Variants in SLC25A21 observed in about 807,000 individuals in gnomAD.
SLC25A21 encodes mitochondrial 2-oxodicarboxylate carrier.
A neutral mutation model predicts 43.8 loss-of-function variants in SLC25A21; 47 were observed. The observed-to-expected ratio is 1.07, with a 90% CI of 0.85 to 1.37. SLC25A21 has a LOEUF of 1.37. Among genes scored for constraint, SLC25A21 ranks in the 40% most tolerant of loss-of-function variants. The pLI is 0.00. For synonymous variants in SLC25A21, 131 were observed against 121.3 expected (o/e 1.08, Z -0.52); for missense variants, 352 against 350.2 (o/e 1.00, Z -0.04).
intron 1 of SLC25A21, among the ~76,000 whole-genome samples, chr14:37,044,004 G>A (rs547432606): frequency 1.4e-5 from 2 of 143,852 alleles, no homozygotes; most frequent in Non-Finnish European, 3.0e-5. Flanking sequence ...GGCTGATCTC[G>A]AACTCCTAGC....
rs998240592 is a variant in SLC25A21 at position 36,992,408 on chromosome 14, A to T, written c.71-117404T>A. On this transcript the variant is annotated intron_variant, in intron 1 of 9. Coordinates refer to ENST00000331299, the MANE Select transcript of SLC25A21 (RefSeq NM_030631.4). ...GGAGACAGAGCAAGACCCTATCTCT[A>T]TAAAAAAATAAATAAATAATAAAAA... Among the ~76,000 whole-genome samples, 3 of 150,570 alleles carry T rather than the reference A, an allele frequency of 2.0e-5. No homozygotes were observed. The East Asian group carries it at 5.9e-4, about 30-fold the overall frequency.
At chr14:36,796,718 C>T (rs994666678) in intron 3 of SLC25A21, among the ~76,000 whole-genome samples, 2 of 152,192 alleles carry the variant, frequency 1.3e-5, no homozygotes, top group African/African-American at 4.8e-5. Flanking sequence ...ATGTATGACA[C>T]GCAGCACACT....
intron 3 of SLC25A21, among the ~76,000 whole-genome samples, chr14:36,799,189 A>G (rs1450393370): frequency 1.3e-5 from 2 of 152,180 alleles, no homozygotes; most frequent in Non-Finnish European, 2.9e-5. Context: ...TGCTCTGAGG[A>G]GGTGTAGCAA....
chr14:37,105,262 C>G (rs574001999), intron 1 of SLC25A21, among the ~76,000 whole-genome samples: 2 of 152,306 alleles, frequency 1.3e-5, no homozygotes, highest in South Asian at 2.1e-4. Flanking sequence ...AAGTCAAACT[C>G]TGAAGCATAA....
intron 1 of SLC25A21, among the ~76,000 whole-genome samples, chr14:37,158,676 T>G (rs1963889738): frequency 6.6e-6 from 1 of 152,076 alleles, no homozygotes; most frequent in African/African-American, 2.4e-5. Flanking sequence ...AGAACACTGG[T>G]TCTGGATGCC....
chr14:36,683,968 T>TA, intron 8 of SLC25A21, 88 bp from the exon 9 acceptor site: 2 of 901,416 alleles, frequency 2.2e-6, no homozygotes, highest in South Asian at 1.7e-5. Context: ...ACCCAGCATT[T>TA]AAAAAAATAA....
At chr14:37,088,990 G>T (rs1238139857) in intron 1 of SLC25A21, among the ~76,000 whole-genome samples, 3 of 152,100 alleles carry the variant, frequency 2.0e-5, no homozygotes, top group African/African-American at 4.8e-5. Context: ...TAAAAGCCAT[G>T]ACATGCCCAT....
chr14:36,946,192 TTA>T (rs932298439), intron 1 of SLC25A21, among the ~76,000 whole-genome samples: 15 of 152,324 alleles, frequency 9.8e-5, no homozygotes, highest in African/African-American at 3.4e-4. Context: ...AAATGCAAAC[TTA>T]CTTCTTGTCA....
At chr14:36,809,010 T>A (rs1888139825) in intron 3 of SLC25A21, 1 of 152,060 alleles carries the variant, frequency 6.6e-6, no homozygotes, top group African/African-American at 2.4e-5. Context: ...GAATAACAAG[T>A]ACAAAAGAGA....
chr14:37,171,716 A>C (rs1218191417), intron 1 of SLC25A21, among the ~76,000 whole-genome samples: 1 of 152,174 alleles, frequency 6.6e-6, no homozygotes, highest in Non-Finnish European at 1.5e-5. Flanking sequence ...CTATAAATTA[A>C]CGTGAGCCCA....
chr14:36,734,286 C>T (rs1397653669), intron 4 of SLC25A21, among the ~76,000 whole-genome samples: 1 of 151,996 alleles, frequency 6.6e-6, no homozygotes, highest in Non-Finnish European at 1.5e-5. Flanking sequence ...ATAATTTCCC[C>T]ATTAGAATGG....
chr14:36,879,681 A>C (rs535888430), intron 1 of SLC25A21, among the ~76,000 whole-genome samples: 1 of 152,146 alleles, frequency 6.6e-6, no homozygotes, highest in African/African-American at 2.4e-5. Flanking sequence ...AATTAACACC[A>C]CCATGTCATA....
chr14:36,966,967 T>G (rs1959631192), intron 1 of SLC25A21, among the ~76,000 whole-genome samples: 1 of 152,194 alleles, frequency 6.6e-6, no homozygotes, highest in Admixed American at 6.5e-5. Context: ...ATAGGTATAC[T>G]TTATTTCTCT....
At chr14:36,904,447 T>C (rs974658114) in intron 1 of SLC25A21, among the ~76,000 whole-genome samples, 11 of 152,192 alleles carry the variant, frequency 7.2e-5, no homozygotes, top group African/African-American at 1.9e-4. Context: ...AAAGAGCCTC[T>C]AGGAAAATTG....
At position 37,038,419 on chromosome 14, in the gene SLC25A21, A is replaced by G. The variant is rs138115635; in HGVS notation, c.70+133862T>C. On this transcript the variant is annotated intron_variant, in intron 1 of 9. Transcript: ENST00000331299. ...CTCTCCCCTTTCCCAAACTCAGGTT[A>G]TTATTTGCCTTCTTAATTTCTAACT... Among the ~76,000 whole-genome samples the G allele has an allele frequency of 1.1e-3, 169 of 152,274 alleles. 2 individuals carry two copies. The highest frequency in any genetic ancestry group is 3.8e-3 in the African/African-American group (158 of 41,546).
At chr14:36,934,734 G>A (rs1336593524) in intron 1 of SLC25A21, among the ~76,000 whole-genome samples, 1 of 152,064 alleles carries the variant, frequency 6.6e-6, no homozygotes, top group East Asian at 1.9e-4. Context: ...GAGAGAGAGA[G>A]AGAGAGAAAA....
intron 6 of SLC25A21, among the ~76,000 whole-genome samples, chr14:36,723,460 G>A (rs887659481): frequency 3.9e-5 from 6 of 152,092 alleles, no homozygotes; most frequent in African/African-American, 1.4e-4. Flanking sequence ...TTTATTCTAA[G>A]TAAATACCTG....
chr14:36,874,139 C>G (rs1282191256), intron 2 of SLC25A21, among the ~76,000 whole-genome samples: 2 of 152,208 alleles, frequency 1.3e-5, no homozygotes, highest in Non-Finnish European at 2.9e-5. Flanking sequence ...AGTAACACAT[C>G]CATCCAATGA....
At chr14:36,756,642 C>T in intron 3 of SLC25A21, among the ~76,000 whole-genome samples, 1 of 152,174 alleles carries the variant, frequency 6.6e-6, no homozygotes, top group East Asian at 1.9e-4. Flanking sequence ...CTTTTTGAAG[C>T]TTGGGCAATT....
Sources: allele counts gnomAD v4.1 joint callset (sites outside exome capture counted in the v4.1 genomes callset), GRCh38; gene constraint gnomAD v4.1.1; transcripts MANE v1.5; gene names NCBI Gene and HGNC (gene_info 2026-07-23, HGNC 2026-07-21).